Variants in LDLRAD3 observed in about 807,000 individuals in gnomAD.
LDLRAD3 encodes low-density lipoprotein receptor class A domain-containing protein 3.
In LDLRAD3, 20 loss-of-function variants were observed where a neutral mutation model predicts 29.4. The observed-to-expected ratio is 0.68, with a 90% CI of 0.48 to 0.99. LDLRAD3 has a LOEUF of 0.99. Ranked by LOEUF, LDLRAD3 falls within the 50% of genes least tolerant of loss-of-function variation. The pLI, the probability that LDLRAD3 is intolerant of heterozygous loss-of-function variation, is 0.00. For synonymous variants in LDLRAD3, 157 were observed against 192.7 expected, an observed-to-expected ratio of 0.81 and a Z score of 1.53; for missense variants, 420 against 454.3, an observed-to-expected ratio of 0.92 and a Z score of 0.69.
rs902714871 is a variant in LDLRAD3 at position 36,036,089 on chromosome 11, C to T, written c.47-14C>T. 2 of 1,612,620 alleles carry T rather than the reference C, an allele frequency of 1.2e-6. No homozygotes were observed. Among genetic ancestry groups the T allele is most frequent in the Non-Finnish European group, 1.7e-6 (2 of 1,179,146 alleles). On this transcript the variant is annotated splice_polypyrimidine_tract_variant and intron_variant, in intron 1 of 5. Coordinates refer to ENST00000315571, the MANE Select transcript of LDLRAD3 (RefSeq NM_174902.4). ...TGTTGCTGTGCCGTCTGACCTGTCC[C>T]CTCTCTCTGACAGAGAGCCAGCTGC...
At chr11:36,144,349 A>G (rs1391750926) in intron 4 of LDLRAD3, among the ~76,000 whole-genome samples, 4 of 141,794 alleles carry the variant, frequency 2.8e-5, no homozygotes, top group African/African-American at 7.7e-5. Context: ...CCCGGCCGCC[A>G]CCCCGTCTGG....
intron 1 of LDLRAD3, among the ~76,000 whole-genome samples, chr11:35,963,211 G>A (rs993978458): frequency 3.9e-5 from 6 of 152,092 alleles, no homozygotes; most frequent in African/African-American, 1.4e-4. Flanking sequence ...CCCATAGATA[G>A]TTTTTTTGGG....
At chr11:36,182,842 A>T (rs1459535279) in intron 4 of LDLRAD3, among the ~76,000 whole-genome samples, 1 of 152,124 alleles carries the variant, frequency 6.6e-6, no homozygotes, top group East Asian at 1.9e-4. Context: ...TCCTGGAATG[A>T]CTGGGGGCTG....
chr11:36,194,710 G>A (rs1855006321), intron 4 of LDLRAD3, among the ~76,000 whole-genome samples: 1 of 152,144 alleles, frequency 6.6e-6, no homozygotes. Context: ...GAAGACAATA[G>A]CTTTGTCCCA....
At chr11:36,196,130 T>G (rs1041114326) in intron 4 of LDLRAD3, 2 of 152,216 alleles carry the variant, frequency 1.3e-5, no homozygotes, top group African/African-American at 4.8e-5. Context: ...GGTCTGTTTC[T>G]GAGCTCTGGC....
chr11:36,137,157 G>A (rs1341937624), intron 4 of LDLRAD3, among the ~76,000 whole-genome samples: 2 of 152,184 alleles, frequency 1.3e-5, no homozygotes, highest in African/African-American at 2.4e-5. Flanking sequence ...GCCATGCTAA[G>A]CCTCATTTGT....
intron 1 of LDLRAD3, among the ~76,000 whole-genome samples, chr11:36,014,367 G>A (rs1260127130): frequency 6.6e-6 from 1 of 152,190 alleles, no homozygotes; most frequent in Non-Finnish European, 1.5e-5. Context: ...TACCAGCCTA[G>A]GCTTTAATGA....
chr11:36,181,113 G>A (rs1487977834), intron 4 of LDLRAD3, among the ~76,000 whole-genome samples: 1 of 151,818 alleles, frequency 6.6e-6, no homozygotes, highest in African/African-American at 2.4e-5. Flanking sequence ...ACTTTTTAAC[G>A]ATCAGATGCT....
chr11:35,985,897 G>A lies in LDLRAD3; in HGVS notation c.46+41753G>A, dbSNP rs58776186. On this transcript the variant is annotated intron_variant, in intron 1 of 5. Coordinates refer to ENST00000315571, the MANE Select transcript of LDLRAD3 (RefSeq NM_174902.4). ...TCTCGGGTATGTCTTTATTAGCACCGTGAGAACAGACTAATACAGTGGAGT... is the reference window on the plus strand; with the variant it reads ...TCTCGGGTATGTCTTTATTAGCACCATGAGAACAGACTAATACAGTGGAGT... Among the ~76,000 whole-genome samples, 2,228 of 150,794 alleles carry A rather than the reference G, an allele frequency of 0.015. 104 individuals are homozygous for A. In the East Asian group the frequency reaches 0.15, roughly 10 times the overall value.
chr11:36,208,099 G>A (rs946962718), intron 4 of LDLRAD3, among the ~76,000 whole-genome samples: 21 of 152,226 alleles, frequency 1.4e-4, no homozygotes, highest in Admixed American at 7.8e-4. Flanking sequence ...AGATGAGCCC[G>A]AAGCATCTTC....
chr11:36,083,854 A>T (rs1250965852), intron 3 of LDLRAD3, among the ~76,000 whole-genome samples: 1 of 152,114 alleles, frequency 6.6e-6, no homozygotes, highest in Non-Finnish European at 1.5e-5. Context: ...TGATTATGTC[A>T]TCCTATATAT....
At chr11:36,157,749 A>G (rs1854375438) in intron 4 of LDLRAD3, among the ~76,000 whole-genome samples, 1 of 152,130 alleles carries the variant, frequency 6.6e-6, no homozygotes, top group Non-Finnish European at 1.5e-5. Context: ...GAGGGAGCGG[A>G]GTGTCTCCAT....
intron 1 of LDLRAD3, among the ~76,000 whole-genome samples, chr11:35,983,813 C>T (rs1048026415): frequency 2.6e-5 from 4 of 151,966 alleles, no homozygotes; most frequent in Non-Finnish European, 4.4e-5. Flanking sequence ...TTAGTAGACA[C>T]GGGGTTTCAC....
chr11:36,119,320 G>A (rs1353204641), intron 4 of LDLRAD3, among the ~76,000 whole-genome samples: 11 of 152,134 alleles, frequency 7.2e-5, no homozygotes, highest in Non-Finnish European at 1.6e-4. Context: ...TTTCTCATGA[G>A]TTTATACCTA....
At chr11:36,016,019 G>A (rs982362662) in intron 1 of LDLRAD3, among the ~76,000 whole-genome samples, 1 of 152,170 alleles carries the variant, frequency 6.6e-6, no homozygotes, top group Non-Finnish European at 1.5e-5. Flanking sequence ...TCACAGGGAG[G>A]GCAAGTGAGA....
intron 1 of LDLRAD3, among the ~76,000 whole-genome samples, chr11:35,957,795 CAAA>C (rs1177748172): frequency 7.6e-5 from 6 of 79,278 alleles, no homozygotes; most frequent in Non-Finnish European, 5.2e-5. Flanking sequence ...GACCTTATCT[CAAA>C]AAAAAAAAAA....
At chr11:36,026,686 G>C (rs753804979) in intron 1 of LDLRAD3, among the ~76,000 whole-genome samples, 9 of 152,208 alleles carry the variant, frequency 5.9e-5, no homozygotes, top group Non-Finnish European at 1.3e-4. Flanking sequence ...CGTCCTCATT[G>C]CTCATTATAT....
chr11:36,009,826 T>C (rs1170569229), intron 1 of LDLRAD3, among the ~76,000 whole-genome samples: 2 of 152,024 alleles, frequency 1.3e-5, no homozygotes, highest in Admixed American at 6.5e-5. Flanking sequence ...TTCAAAAAGA[T>C]TGTTTTATTT....
chr11:36,120,308 C>A (rs1853737186), intron 4 of LDLRAD3, among the ~76,000 whole-genome samples: 1 of 152,004 alleles, frequency 6.6e-6, no homozygotes, highest in African/African-American at 2.4e-5. Context: ...CCTTATAACA[C>A]CACACACGTC....
Sources: gnomAD v4.1 joint callset for allele counts (sites outside exome capture counted in the v4.1 genomes callset) on GRCh38, gnomAD v4.1.1 for gene constraint, MANE v1.5 for transcripts, NCBI Gene and HGNC (gene_info 2026-07-23, HGNC 2026-07-21) for gene names.